Variants in NOC4L observed in about 807,000 individuals in gnomAD.
The protein encoded by NOC4L is nucleolar complex protein 4 homolog.
In NOC4L, 40 loss-of-function variants were observed where a neutral mutation model predicts 62.8. The observed-to-expected ratio is 0.64, with a 90% CI of 0.49 to 0.83. NOC4L has a LOEUF of 0.83. Ranked by LOEUF, NOC4L falls within the 40% of genes least tolerant of loss-of-function variation. NOC4L has a pLI of 0.00. For synonymous variants in NOC4L, 433 were observed against 299.8 expected, an observed-to-expected ratio of 1.44 and a Z score of -4.59; for missense variants, 927 against 701.9, an observed-to-expected ratio of 1.32 and a Z score of -3.62.
At chr12:132,151,440 G>T in intron 11 of NOC4L, 44 bp from the exon 12 acceptor site, 1 of 1,600,750 alleles carries the variant, frequency 6.2e-7, no homozygotes, top group African/African-American at 1.3e-5. Flanking sequence ...GGGTGGTGGG[G>T]GCTAGCAGTC....
chr12:132,147,269 C>A lies in NOC4L; in HGVS notation c.346-12C>A. 6.6e-7 allele frequency: 1 copy of A among 1,514,792 alleles called. No homozygotes were observed. The highest frequency in any genetic ancestry group is 1.3e-5 in the South Asian group (1 of 78,912). The allele number at this position is 1,514,792 out of a possible 1,614,324, so 93.8% of individuals were successfully genotyped here. A position where few individuals can be genotyped will look rare whatever the true frequency, so the allele number is the denominator to read the frequency against. On this transcript the variant is annotated splice_polypyrimidine_tract_variant and intron_variant, in intron 3 of 14. Coordinates refer to ENST00000330579, the MANE Select transcript of NOC4L (RefSeq NM_024078.3). ...AGGGCATCACAGCCACCCTGCACTG[C>A]CCCCTTCCCAGGAGCTGGCCCTCAG...
intron 3 of NOC4L, 67 bp downstream of exon 3, chr12:132,145,732 G>T: frequency 8.7e-7 from 1 of 1,149,962 alleles, no homozygotes; most frequent in Non-Finnish European, 1.3e-6. Context: ...TATCCACAAA[G>T]CAGAGGTCTG....
In NOC4L at chr12:132,148,119, T is replaced by C. The variant is rs749031617; in HGVS notation, c.738+13T>C. 6.2e-7 allele frequency: 1 copy of C among 1,612,922 alleles called. No individual in the cohort carries two copies. The highest frequency in any genetic ancestry group is 1.3e-5 in the African/African-American group (1 of 74,914). On this transcript the variant is annotated intron_variant, in intron 7 of 14. Transcript: ENST00000330579. ...TGCTCACCTGAAGGTGAGTTGCTTC[T>C]GGAGAGCCGGGCACCCTCCCGGGTT...
Position 132,147,374 on chromosome 12 carries a change from C to G in NOC4L, c.439C>G (p.Arg147Gly), listed in dbSNP as rs768448816. 6.3e-7 allele frequency: 1 copy of G among 1,593,050 alleles called. No individual in the cohort carries two copies. Among genetic ancestry groups the G allele is most frequent in the Middle Eastern group, 1.7e-4 (1 of 6,042 alleles). ...SKWEGNYLFPRELFKLVVGGL... is the reference protein window; with the variant it reads ...SKWEGNYLFPGELFKLVVGGL... ...GTGGGAAGGCAACTACCTGTTCCCCCGAGAGCTCTTCAAGGTGAGGGCCTT... is the reference window on the plus strand; with the variant it reads ...GTGGGAAGGCAACTACCTGTTCCCCGGAGAGCTCTTCAAGGTGAGGGCCTT... Residue 147 changes from arginine to glycine, a missense_variant, in exon 4 of 15, where the codon CGA (arginine) becomes GGA (glycine). Transcript: ENST00000330579.
At chr12:132,151,917 T>G in intron 13 of NOC4L, 97 bp downstream of exon 13, 1 of 1,342,936 alleles carries the variant, frequency 7.4e-7, no homozygotes, top group Non-Finnish European at 1.0e-6. Flanking sequence ...TAGCCTCATG[T>G]TGCGTCCCCA....
At chr12:132,151,457 C>T in intron 11 of NOC4L, 27 bp from the exon 12 acceptor site, 5 of 1,599,912 alleles carry the variant, frequency 3.1e-6, no homozygotes, top group Non-Finnish European at 4.2e-6. Context: ...AGTCCGGGCC[C>T]TGTCTCACAA....
intron 13 of NOC4L, 74 bp from the exon 14 acceptor site, chr12:132,152,010 C>A: frequency 7.0e-7 from 1 of 1,426,458 alleles, no homozygotes; most frequent in Non-Finnish European, 9.5e-7. Flanking sequence ...TGGTTGGGAG[C>A]ACAGGGAGGC....
Position 132,151,254 on chromosome 12 carries a change from G to A in NOC4L, c.963-4G>A, listed in dbSNP as rs557324460. 89 of 1,608,950 alleles carry A rather than the reference G, an allele frequency of 5.5e-5. 1 individual carries two copies. Among genetic ancestry groups the A allele is most frequent in the South Asian group, 2.0e-4 (18 of 91,038 alleles). On this transcript the variant is annotated splice_polypyrimidine_tract_variant and splice_region_variant and intron_variant, in intron 10 of 14. Transcript: ENST00000330579. ...ATCCGCTGCTCCTTCCCCCCGGCCC[G>A]CAGGGAGTACCCTGACTTCTACCGG...
intron 3 of NOC4L, among the ~76,000 whole-genome samples, chr12:132,145,936 G>A (rs1162902099): frequency 6.6e-6 from 1 of 152,200 alleles, no homozygotes; most frequent in African/African-American, 2.4e-5. Context: ...CCTCGTGCCA[G>A]TCCACAGATG....
chr12:132,144,711 G>T (rs1897640779), intron 1 of NOC4L, 106 bp downstream of exon 1: 1 of 1,447,488 alleles, frequency 6.9e-7, no homozygotes, highest in South Asian at 1.4e-5. Flanking sequence ...GCGTTGGGGG[G>T]TCAGGGTGGG....
chr12:132,150,811 A>G, intron 9 of NOC4L, 170 bp from the exon 10 acceptor site: 3 of 551,166 alleles, frequency 5.4e-6, no homozygotes, highest in Non-Finnish European at 9.7e-6. Context: ...CACTGCCTCC[A>G]CCCCCCACTC....
chr12:132,148,568 G>A (rs1218489783), intron 7 of NOC4L, 41 bp from the exon 8 acceptor site: 72 of 1,548,384 alleles, frequency 4.7e-5, no homozygotes, highest in Non-Finnish European at 6.0e-5. Flanking sequence ...CTCTGGTCTG[G>A]GGTGGGGAGG....
intron 4 of NOC4L, 115 bp downstream of exon 4, chr12:132,147,503 C>T: frequency 7.0e-7 from 1 of 1,437,142 alleles, no homozygotes; most frequent in Non-Finnish European, 9.4e-7. Context: ...CTGGGACACT[C>T]CTGTGGCTCC....
In NOC4L at chr12:132,151,138, C is replaced by T. The variant is rs1217821281; in HGVS notation, c.962+97C>T. On this transcript the variant is annotated intron_variant, in intron 10 of 14. Transcript: ENST00000330579. ...TGCCCCACGGGGTCCCCGCTTTCCTCACAGGCCATGGTGTTGGAGTCCCTG... is the reference window on the plus strand; with the variant it reads ...TGCCCCACGGGGTCCCCGCTTTCCTTACAGGCCATGGTGTTGGAGTCCCTG... The T allele has an allele frequency of 5.6e-6, 8 of 1,431,402 alleles. No homozygotes were observed. In the Admixed American group the frequency reaches 6.9e-5, roughly 12 times the overall value. The allele number at this position is 1,431,402 out of a possible 1,614,324, so 88.7% of individuals were successfully genotyped here. A position where few individuals can be genotyped will look rare whatever the true frequency, so the allele number is the denominator to read the frequency against.
intron 11 of NOC4L, 43 bp from the exon 12 acceptor site, chr12:132,151,441 G>T (rs759765168): frequency 2.5e-6 from 4 of 1,600,324 alleles, no homozygotes; most frequent in East Asian, 2.2e-5. Flanking sequence ...GGTGGTGGGG[G>T]CTAGCAGTCC....
At chr12:132,151,685 C>A (rs770316161) in intron 12 of NOC4L, 41 bp downstream of exon 12, 8 of 1,611,602 alleles carry the variant, frequency 5.0e-6, no homozygotes, top group Non-Finnish European at 6.8e-6. Flanking sequence ...GGAGCTGGGG[C>A]GGGGGTGCCT....
chr12:132,152,012 C>T, intron 13 of NOC4L, 72 bp from the exon 14 acceptor site: 3 of 1,438,730 alleles, frequency 2.1e-6, no homozygotes, highest in South Asian at 1.2e-5. Context: ...GTTGGGAGCA[C>T]AGGGAGGCCA....
rs1457600397 is a variant in NOC4L at position 132,152,321 on chromosome 12, G to T, written c.1471G>T (p.Val491Leu). The T allele has an allele frequency of 1.3e-6, 2 of 1,564,922 alleles. No individual in the cohort carries two copies. The highest frequency in any genetic ancestry group is 1.7e-6 in the Non-Finnish European group (2 of 1,154,448). Residue 491 changes from valine (V) to leucine (L), a missense_variant, in exon 15 of 15, where the codon GTG becomes TTG. Transcript: ENST00000330579. ...RDLKKKGPEP[V>L]PLEFIPAQGL... The stretch of plus-strand genomic sequence containing the variant: ...CCTGAAGAAGAAGGGGCCCGAGCCG[G>T]TGCCACTGGAGTTTATCCCAGCCCA...
chr12:132,148,732 C>G (rs571387876), intron 8 of NOC4L, 52 bp from the exon 9 acceptor site: 189 of 1,305,518 alleles, frequency 1.4e-4, no homozygotes, highest in Non-Finnish European at 1.8e-4. Context: ...CACCCCGACC[C>G]GCCGGCCCCC....
Sources: gnomAD v4.1 joint callset for allele counts (sites outside exome capture counted in the v4.1 genomes callset) on GRCh38, gnomAD v4.1.1 for gene constraint, MANE v1.5 for transcripts, NCBI Gene and HGNC (gene_info 2026-07-23, HGNC 2026-07-21) for gene names.